The following ARL15 variants were observed in gnomAD, a reference collection of about 807,000 sequenced individuals.
ARL15 encodes the protein ADP-ribosylation factor-like protein 15.
ARL15 carries 19 observed loss-of-function variants against 25.2 expected under a neutral mutation model. The observed-to-expected ratio is 0.75, with a 90% confidence interval of 0.53 to 1.10. ARL15 has a LOEUF of 1.10. Ranked by LOEUF, ARL15 falls within the 50% of genes least tolerant of loss-of-function variation. The pLI is 0.00. For missense variants in ARL15, 220 were observed against 246.0 expected, an observed-to-expected ratio of 0.89 and a Z score of 0.71; for synonymous variants, 94 against 86.8, an observed-to-expected ratio of 1.08 and a Z score of -0.46.
intron 4 of ARL15, among the ~76,000 whole-genome samples, chr5:54,006,385 C>T (rs748808141): frequency 6.6e-6 from 1 of 151,674 alleles, no homozygotes; most frequent in Non-Finnish European, 1.5e-5. Context: ...AGACCGAGTA[C>T]ACATGGATAT....
chr5:54,120,183 A>G (rs1421191317), intron 3 of ARL15, among the ~76,000 whole-genome samples: 1 of 152,222 alleles, frequency 6.6e-6, no homozygotes, highest in Non-Finnish European at 1.5e-5. Flanking sequence ...CAAATAATCT[A>G]TCTTTTTGGT....
At chr5:54,101,170 G>A (rs1163117869) in intron 4 of ARL15, among the ~76,000 whole-genome samples, 2 of 151,946 alleles carry the variant, frequency 1.3e-5, no homozygotes, top group African/African-American at 2.4e-5. Flanking sequence ...AAAAATAATT[G>A]TGGTGAAAGT....
In ARL15 at chr5:54,096,867, T is replaced by C. The variant is rs115783951; in HGVS notation, c.462+16335A>G. Among the ~76,000 whole-genome samples the C allele has an allele frequency of 2.8e-3, 420 of 152,304 alleles. 1 individual carries two copies. Among genetic ancestry groups the C allele is most frequent in the African/African-American group, 9.6e-3 (398 of 41,558 alleles). On this transcript the variant is annotated intron_variant, in intron 4 of 4. Transcript: ENST00000504924. ...CTAAGTCTTCACATACTGGTTACTATGTAAGGCTTAAATTTGGTCTATTTA... is the reference window on the plus strand; with the variant it reads ...CTAAGTCTTCACATACTGGTTACTACGTAAGGCTTAAATTTGGTCTATTTA...
At chr5:54,059,040 A>T (rs1421997809) in intron 4 of ARL15, among the ~76,000 whole-genome samples, 1 of 152,332 alleles carries the variant, frequency 6.6e-6, no homozygotes, top group East Asian at 1.9e-4. Context: ...TTTAAACTGC[A>T]GTCTAAAAGC....
At chr5:53,944,551 C>T (rs1746660347) in intron 4 of ARL15, among the ~76,000 whole-genome samples, 2 of 152,082 alleles carry the variant, frequency 1.3e-5, no homozygotes, top group Admixed American at 1.3e-4. Context: ...GTGATCATGC[C>T]ACTGCACTCC....
chr5:54,051,815 T>TA (rs1717366314), intron 4 of ARL15, among the ~76,000 whole-genome samples: 1 of 152,160 alleles, frequency 6.6e-6, no homozygotes, highest in African/African-American at 2.4e-5. Flanking sequence ...TTTTAAAACT[T>TA]ACGTTCACAC....
At chr5:53,968,516 A>G (rs541571648) in intron 4 of ARL15, among the ~76,000 whole-genome samples, 71 of 152,266 alleles carry the variant, frequency 4.7e-4, no homozygotes, top group African/African-American at 1.7e-3. Context: ...TTTCTTGATA[A>G]ATTAGATGTA....
At chr5:54,060,491 C>T (rs1751031374) in intron 4 of ARL15, among the ~76,000 whole-genome samples, 1 of 152,114 alleles carries the variant, frequency 6.6e-6, no homozygotes, top group Non-Finnish European at 1.5e-5. Flanking sequence ...AGGGAGTTTC[C>T]CTGGACAAAC....
At chr5:54,288,537 G>A (rs1758241283) in intron 1 of ARL15, among the ~76,000 whole-genome samples, 1 of 152,262 alleles carries the variant, frequency 6.6e-6, no homozygotes. Context: ...TACAGTGGTT[G>A]AGAGAATGTG....
intron 3 of ARL15, among the ~76,000 whole-genome samples, chr5:54,115,582 A>G (rs1752875753): frequency 6.6e-6 from 1 of 152,208 alleles, no homozygotes; most frequent in African/African-American, 2.4e-5. Flanking sequence ...CTAAGGAGGG[A>G]AGTATAATTG....
intron 2 of ARL15, among the ~76,000 whole-genome samples, chr5:54,171,158 A>G (rs528221508): frequency 6.6e-6 from 1 of 152,260 alleles, no homozygotes; most frequent in South Asian, 2.1e-4. Context: ...GCTGCCCTGT[A>G]CATTGAAGGA....
intron 1 of ARL15, among the ~76,000 whole-genome samples, chr5:54,207,404 A>C (rs3797250): frequency 0.2 from 30,885 of 152,078 alleles, 3,639 homozygotes; most frequent in Admixed American, 0.31. Context: ...ATTTAGTCTT[A>C]TTCCTGCTCT....
chr5:53,977,512 G>T (rs787544), intron 4 of ARL15, among the ~76,000 whole-genome samples: 54,996 of 151,946 alleles, frequency 0.36, 10,592 homozygotes, highest in Middle Eastern at 0.45. Context: ...ATCTGTAAGT[G>T]TTCCCATCAA....
chr5:54,061,131 G>A (rs779591695), intron 4 of ARL15, among the ~76,000 whole-genome samples: 1 of 152,182 alleles, frequency 6.6e-6, no homozygotes, highest in African/African-American at 2.4e-5. Flanking sequence ...AAGTGGTTTC[G>A]TGGGCCAGGC....
At chr5:53,930,246 T>C (rs1746157611) in intron 4 of ARL15, among the ~76,000 whole-genome samples, 1 of 152,170 alleles carries the variant, frequency 6.6e-6, no homozygotes, top group Admixed American at 6.5e-5. Flanking sequence ...GACACACTTT[T>C]TATTATTTTA....
chr5:54,069,632 T>C (rs1177599979), intron 4 of ARL15, among the ~76,000 whole-genome samples: 1 of 141,486 alleles, frequency 7.1e-6, no homozygotes, highest in East Asian at 2.1e-4. Context: ...CATTAAAAGA[T>C]AGGGAAGACT....
At chr5:54,230,353 AAAAAAAAAAG>A (rs1166152547) in intron 1 of ARL15, among the ~76,000 whole-genome samples, 7 of 151,144 alleles carry the variant, frequency 4.6e-5, no homozygotes, top group East Asian at 1.9e-4. Flanking sequence ...TCAGAAAAAA[AAAAAAAAAAG>A]AAAAGAAAAG....
chr5:53,895,229 A>T (rs916416831), intron 4 of ARL15, among the ~76,000 whole-genome samples: 2 of 152,182 alleles, frequency 1.3e-5, no homozygotes, highest in Non-Finnish European at 2.9e-5. Flanking sequence ...AAATTGCTAG[A>T]CTTCCTCTCC....
chr5:54,134,552 C>CT lies in ARL15; in HGVS notation c.253+20027dup, dbSNP rs1270332449. ...TTATTCCCTATAGCCTGTGAGCTCC[C>CT]TGAAGGAATGATTAGCTTTTTTTTT... is the stretch of plus-strand genomic sequence containing the variant. On this transcript the variant is annotated intron_variant, in intron 3 of 4. Transcript: ENST00000504924. Among the ~76,000 whole-genome samples the CT allele has an allele frequency of 2.7e-5, 4 of 146,946 alleles. No individual in the cohort carries two copies. The East Asian group carries it at 8.1e-4, about 30-fold the overall frequency.
Sources: gnomAD v4.1 joint callset for allele counts (sites outside exome capture counted in the v4.1 genomes callset) on GRCh38, gnomAD v4.1.1 for gene constraint, MANE v1.5 for transcripts, NCBI Gene and HGNC (gene_info 2026-07-23, HGNC 2026-07-21) for gene names.